CDIN1: variants seen among roughly 807,000 people sequenced by gnomAD.
CDIN1 encodes CDAN1 interacting nuclease 1.
CDIN1 carries 33 observed loss-of-function variants against 45.3 expected under a neutral mutation model. The observed-to-expected ratio is 0.73, with a 90% CI of 0.55 to 0.97. The LOEUF is 0.97. CDIN1 is among the 50% of genes least tolerant of loss of function. The pLI, the probability that CDIN1 is intolerant of heterozygous loss-of-function variation, is 0.00. For synonymous variants in CDIN1, 118 were observed against 124.4 expected (o/e 0.95, Z 0.34); for missense variants, 303 against 339.4 (o/e 0.89, Z 0.84).
At chr15:36,663,283 TGG>T (rs1398386290) in intron 5 of CDIN1, among the ~76,000 whole-genome samples, 1 of 152,188 alleles carries the variant, frequency 6.6e-6, no homozygotes, top group Non-Finnish European at 1.5e-5. Context: ...TAACAGGGAA[TGG>T]GAAGCCACTG....
At chr15:36,787,833 C>T (rs2141074379) in intron 10 of CDIN1, among the ~76,000 whole-genome samples, 1 of 151,232 alleles carries the variant, frequency 6.6e-6, no homozygotes, top group Admixed American at 6.6e-5. Context: ...AGACCAAAGA[C>T]TAGGTAATAT....
chr15:36,799,420 G>A (rs990865021), intron 10 of CDIN1: 22 of 152,082 alleles, frequency 1.4e-4, no homozygotes, highest in Non-Finnish European at 1.5e-5. Flanking sequence ...GTTTCCCAGT[G>A]AAATCATCTC....
In CDIN1 at chr15:36,712,491, C is replaced by G. The variant is rs191138059; in HGVS notation, c.716+2530C>G. 3.9e-5 allele frequency among the ~76,000 whole-genome samples: 6 copies of G among 152,086 alleles called. No homozygotes were observed. In the East Asian group the frequency reaches 1.2e-3, roughly 29 times the overall value. ...ATGTTGGTCAGTCTGGTCTCGAACTCCTGACCTCATGATCCACCTTCCTTG... is the reference window on the plus strand; with the variant it reads ...ATGTTGGTCAGTCTGGTCTCGAACTGCTGACCTCATGATCCACCTTCCTTG... On this transcript the variant is annotated intron_variant, in intron 10 of 10. Transcript: ENST00000566621.
At chr15:36,753,449 C>T (rs577903632) in intron 10 of CDIN1, among the ~76,000 whole-genome samples, 3 of 151,974 alleles carry the variant, frequency 2.0e-5, no homozygotes, top group Non-Finnish European at 4.4e-5. Flanking sequence ...TGTATGGCTA[C>T]CGGGTTAGAT....
At chr15:36,664,782 G>T (rs185494227) in intron 5 of CDIN1, among the ~76,000 whole-genome samples, 1,700 of 152,060 alleles carry the variant, frequency 0.011, 28 homozygotes, top group African/African-American at 0.039. Context: ...TCCTGACCTC[G>T]TGATCCGCCC....
chr15:36,775,554 T>C (rs913733550), intron 10 of CDIN1, among the ~76,000 whole-genome samples: 7 of 152,354 alleles, frequency 4.6e-5, no homozygotes, highest in Non-Finnish European at 8.8e-5. Context: ...ATTTATCAAC[T>C]ACACAGAGAG....
chr15:36,751,229 T>TTATATATATTTATATATATA (rs2053458039), intron 10 of CDIN1, among the ~76,000 whole-genome samples: 2 of 97,612 alleles, frequency 2.0e-5, no homozygotes, highest in African/African-American at 8.7e-5. Context: ...TATGCTTATT[T>TTATATATATTTATATATATA]TATATATATA....
At chr15:36,592,942 C>T (rs1345379660) in intron 1 of CDIN1, among the ~76,000 whole-genome samples, 1 of 152,088 alleles carries the variant, frequency 6.6e-6, no homozygotes, top group African/African-American at 2.4e-5. Context: ...AACTCAAGCT[C>T]AGATGTTACA....
intron 1 of CDIN1, among the ~76,000 whole-genome samples, chr15:36,592,777 T>C (rs577021398): frequency 1.3e-5 from 2 of 152,250 alleles, no homozygotes; most frequent in African/African-American, 4.8e-5. Context: ...TAAAGCCATA[T>C]ATACATGTCT....
At position 36,579,665 on chromosome 15, in the gene CDIN1, T is replaced by C; in HGVS notation, c.-196T>C. On this transcript the variant is annotated 5_prime_UTR_variant, in exon 1 of 11. Coordinates refer to ENST00000566621, the MANE Select transcript of CDIN1 (RefSeq NM_001321759.2). ...CCAGTCCCCGCCGCGGAGGTGCCGG[T>C]GGAGCCTGGGACCGGGCGAGTCTCC... 1 of 540,770 alleles carries C rather than the reference T, an allele frequency of 1.8e-6. No individual in the cohort carries two copies. The highest frequency in any genetic ancestry group is 3.3e-6 in the Non-Finnish European group (1 of 304,440). 33.5% of individuals were successfully genotyped at this position (540,770 alleles called of 1,614,324 possible). A position where few individuals can be genotyped will look rare whatever the true frequency, so the allele number is the denominator to read the frequency against.
intron 10 of CDIN1, among the ~76,000 whole-genome samples, chr15:36,752,251 A>G (rs1044607515): frequency 3.9e-5 from 6 of 152,214 alleles, no homozygotes; most frequent in Non-Finnish European, 7.3e-5. Flanking sequence ...ATGCAGGATA[A>G]CTGTCCTGGT....
intron 10 of CDIN1, among the ~76,000 whole-genome samples, chr15:36,737,806 T>C (rs76860513): frequency 0.039 from 5,964 of 152,266 alleles, 409 homozygotes; most frequent in African/African-American, 0.13. Flanking sequence ...AAAAGACATC[T>C]GGGTGTGGGA....
intron 10 of CDIN1, among the ~76,000 whole-genome samples, chr15:36,783,818 C>T (rs976905386): frequency 6.6e-5 from 10 of 152,200 alleles, no homozygotes; most frequent in Admixed American, 5.2e-4. Context: ...AATGGTGGCA[C>T]AGACACCTGT....
chr15:36,709,998 A>T, intron 10 of CDIN1, 37 bp downstream of exon 10: 1 of 1,462,578 alleles, frequency 6.8e-7, no homozygotes, highest in Non-Finnish European at 9.4e-7. Context: ...GATAAACGAT[A>T]CTCAGCTGAA....
chr15:36,605,545 G>A (rs189923063), intron 1 of CDIN1, among the ~76,000 whole-genome samples: 2 of 152,310 alleles, frequency 1.3e-5, no homozygotes, highest in Non-Finnish European at 2.9e-5. Flanking sequence ...TTTGGCTTCT[G>A]TGTGTAGTCA....
intron 10 of CDIN1, among the ~76,000 whole-genome samples, chr15:36,784,658 T>G (rs1374116779): frequency 6.6e-6 from 1 of 152,240 alleles, no homozygotes; most frequent in Non-Finnish European, 1.5e-5. Context: ...TTGTTGGAAT[T>G]TAGTTGGATC....
intron 10 of CDIN1, chr15:36,790,445 G>A (rs2054614805): frequency 6.6e-6 from 1 of 152,188 alleles, no homozygotes; most frequent in African/African-American, 2.4e-5. Context: ...AAAGGTACAA[G>A]TTTTGTTGTT....
intron 1 of CDIN1, among the ~76,000 whole-genome samples, chr15:36,628,335 C>G (rs926276728): frequency 6.6e-6 from 1 of 152,142 alleles, no homozygotes; most frequent in Non-Finnish European, 1.5e-5. Context: ...AGTTTGGCTT[C>G]TTTTACTTAG....
chr15:36,618,947 G>A, intron 1 of CDIN1: 3 of 1,555,786 alleles, frequency 1.9e-6, no homozygotes, highest in Non-Finnish European at 1.8e-6. Context: ...TGAAAGTTAA[G>A]TTATGCTGAA....
Sources: allele counts gnomAD v4.1 joint callset (sites outside exome capture counted in the v4.1 genomes callset), GRCh38; gene constraint gnomAD v4.1.1; transcripts MANE v1.5; gene names NCBI Gene and HGNC (gene_info 2026-07-23, HGNC 2026-07-21).